Variants in BMPR1B observed in about 807,000 individuals in gnomAD.
BMPR1B encodes the protein bone morphogenetic protein receptor type 1B.
A neutral mutation model predicts 59.1 loss-of-function variants in BMPR1B; 12 were observed. The observed-to-expected ratio is 0.20, with a 90% CI of 0.13 to 0.33. The LOEUF is 0.33. BMPR1B is among the 10% of genes least tolerant of loss of function. BMPR1B has a pLI of 1.00. For synonymous variants in BMPR1B, 237 were observed against 207.3 expected, an observed-to-expected ratio of 1.14 and a Z score of -1.23; for missense variants, 550 against 610.9, an observed-to-expected ratio of 0.90 and a Z score of 1.05.
chr4:95,145,181 T>C (rs940884694), intron 10 of BMPR1B, among the ~76,000 whole-genome samples: 8 of 152,234 alleles, frequency 5.3e-5, no homozygotes, highest in East Asian at 1.9e-4. Flanking sequence ...CATTCCTTTT[T>C]CATTTCCTGC....
At chr4:94,908,085 A>AAG (rs1331974565) in intron 2 of BMPR1B, among the ~76,000 whole-genome samples, 158 of 111,410 alleles carry the variant, frequency 1.4e-3, no homozygotes, top group Non-Finnish European at 2.7e-3. Context: ...AAAAAAAAAA[A>AAG]AAAAAGAAAA....
chr4:94,832,041 T>A (rs895985817), intron 1 of BMPR1B, among the ~76,000 whole-genome samples: 1 of 151,034 alleles, frequency 6.6e-6, no homozygotes, highest in Non-Finnish European at 1.5e-5. Flanking sequence ...AATTATTTCA[T>A]TATGTATTAC....
chr4:94,881,589 C>A (rs1053421009), intron 2 of BMPR1B, among the ~76,000 whole-genome samples: 3 of 152,056 alleles, frequency 2.0e-5, no homozygotes, highest in Non-Finnish European at 2.9e-5. Context: ...CCTCAGCCTC[C>A]TGAGTAGCTG....
chr4:95,046,059 G>C (rs1726037032), intron 3 of BMPR1B, among the ~76,000 whole-genome samples: 1 of 151,966 alleles, frequency 6.6e-6, no homozygotes, highest in South Asian at 2.1e-4. Context: ...TAAATATTTA[G>C]TTTTTCAGGT....
intron 6 of BMPR1B, among the ~76,000 whole-genome samples, chr4:95,120,970 A>G (rs1732479866): frequency 6.6e-6 from 1 of 152,044 alleles, no homozygotes; most frequent in Admixed American, 6.6e-5. Context: ...CATCATGCCC[A>G]GCTAATTTTT....
chr4:94,911,349 GTGGT>G (rs1316505260), intron 2 of BMPR1B, among the ~76,000 whole-genome samples: 1 of 152,084 alleles, frequency 6.6e-6, no homozygotes, highest in African/African-American at 2.4e-5. Flanking sequence ...GTGCTGCCAG[GTGGT>G]AATGCCTGAG....
At chr4:94,858,070 C>T (rs950527392) in intron 1 of BMPR1B, among the ~76,000 whole-genome samples, 16 of 151,828 alleles carry the variant, frequency 1.1e-4, no homozygotes, top group Admixed American at 2.6e-4. Context: ...CTCAGTCTCC[C>T]GAGTAGCTGG....
In BMPR1B at chr4:95,040,061, GATCCATAGGACT is replaced by G. The variant is rs1316445645; in HGVS notation, c.-18+43928_-18+43939del. ...AGCTAAGTCTACTACTAAATGTGTA[GATCCATAGGACT>G]GATATTTCGTAGCACTGTTGAGGTT... On this transcript the variant is annotated intron_variant, in intron 3 of 12. Coordinates refer to ENST00000515059, the MANE Select transcript of BMPR1B (RefSeq NM_001203.3). 2.0e-5 allele frequency among the ~76,000 whole-genome samples: 3 copies of G among 152,248 alleles called. No individual in the cohort carries two copies. The East Asian group carries it at 5.8e-4, about 29-fold the overall frequency.
intron 2 of BMPR1B, among the ~76,000 whole-genome samples, chr4:94,919,058 T>C (rs1728592327): frequency 6.6e-6 from 1 of 152,160 alleles, no homozygotes; most frequent in East Asian, 1.9e-4. Flanking sequence ...TTGCCTTTAA[T>C]GTTGAAGATC....
At chr4:94,968,118 A>G (rs1410753917) in intron 2 of BMPR1B, among the ~76,000 whole-genome samples, 1 of 151,994 alleles carries the variant, frequency 6.6e-6, no homozygotes, top group Non-Finnish European at 1.5e-5. Flanking sequence ...TCATCTTTGG[A>G]CTTCCCTAGC....
intron 2 of BMPR1B, among the ~76,000 whole-genome samples, chr4:94,912,103 G>T (rs1728296113): frequency 6.6e-6 from 1 of 152,068 alleles, no homozygotes; most frequent in Non-Finnish European, 1.5e-5. Flanking sequence ...AGGTACAAAA[G>T]TGGAAACTGT....
chr4:94,927,975 G>A (rs1322933169), intron 2 of BMPR1B, among the ~76,000 whole-genome samples: 4 of 152,096 alleles, frequency 2.6e-5, no homozygotes. Flanking sequence ...TTGAGGCTGA[G>A]TATCTCTGGA....
intron 3 of BMPR1B, among the ~76,000 whole-genome samples, chr4:95,009,513 G>A (rs1310021485): frequency 2.6e-5 from 4 of 152,078 alleles, no homozygotes; most frequent in Non-Finnish European, 5.9e-5. Flanking sequence ...GATGAAAAAA[G>A]CAAGTCACAA....
At chr4:94,955,921 C>T (rs191690276) in intron 2 of BMPR1B, among the ~76,000 whole-genome samples, 2 of 152,186 alleles carry the variant, frequency 1.3e-5, no homozygotes, top group East Asian at 1.9e-4. Flanking sequence ...CTTTAGCCAC[C>T]GTGCCTGGCC....
chr4:95,020,100 A>G (rs1030327735), intron 3 of BMPR1B, among the ~76,000 whole-genome samples: 1 of 152,202 alleles, frequency 6.6e-6, no homozygotes, highest in Non-Finnish European at 1.5e-5. Context: ...TGCAATTAAA[A>G]TGAAAACCCA....
At chr4:95,152,823 T>A (rs1483252813) in intron 12 of BMPR1B, 50 bp downstream of exon 12, 2 of 1,596,360 alleles carry the variant, frequency 1.3e-6, no homozygotes, top group Admixed American at 1.7e-5. Flanking sequence ...AAATAGACTT[T>A]TCTTTTTTAG....
intron 2 of BMPR1B, among the ~76,000 whole-genome samples, chr4:94,987,854 TAAA>T (rs1297329311): frequency 2.0e-5 from 3 of 152,154 alleles, no homozygotes; most frequent in Non-Finnish European, 4.4e-5. Flanking sequence ...GAGTCATTTC[TAAA>T]AAAGAAACAT....
chr4:94,886,078 G>A (rs1436997050), intron 2 of BMPR1B, among the ~76,000 whole-genome samples: 1 of 152,074 alleles, frequency 6.6e-6, no homozygotes, highest in Admixed American at 6.6e-5. Context: ...AAAAATCCAG[G>A]TATATGCAGT....
At chr4:94,800,112 C>G (rs2110620583) in intron 1 of BMPR1B, among the ~76,000 whole-genome samples, 1 of 152,266 alleles carries the variant, frequency 6.6e-6, no homozygotes. Flanking sequence ...TGTCATTTGC[C>G]TCTGTCTTTT....
Sources: gnomAD v4.1 joint callset for allele counts (sites outside exome capture counted in the v4.1 genomes callset) on GRCh38, gnomAD v4.1.1 for gene constraint, MANE v1.5 for transcripts, NCBI Gene and HGNC (gene_info 2026-07-23, HGNC 2026-07-21) for gene names.